ZFPM1: variants seen among roughly 807,000 people sequenced by gnomAD.
ZFPM1 encodes zinc finger protein ZFPM1.
Under a neutral mutation model 46.3 loss-of-function variants are expected in ZFPM1, and 28 were observed. That is an observed-to-expected ratio of 0.60 (90% CI 0.45 to 0.83). The LOEUF is 0.83. Ranked by LOEUF, ZFPM1 falls within the 40% of genes least tolerant of loss-of-function variation. ZFPM1 has a pLI of 0.00. For missense variants in ZFPM1, 1,878 were observed against 1,432.4 expected, an observed-to-expected ratio of 1.31 and a Z score of -5.02; for synonymous variants, 957 against 675.9, an observed-to-expected ratio of 1.42 and a Z score of -6.45.
chr16:88,508,996 C>A (rs1379566253), intron 3 of ZFPM1, among the ~76,000 whole-genome samples: 1 of 152,002 alleles, frequency 6.6e-6, no homozygotes, highest in Non-Finnish European at 1.5e-5. Context: ...CCCCGCCCCA[C>A]GCAGCTGACC....
chr16:88,478,761 C>T (rs909661031), intron 1 of ZFPM1, among the ~76,000 whole-genome samples: 9 of 152,190 alleles, frequency 5.9e-5, no homozygotes, highest in African/African-American at 1.4e-4. Context: ...CGAGGGTTCC[C>T]GTAGAGGGGG....
chr16:88,457,670 A>G (rs544540647), intron 1 of ZFPM1, among the ~76,000 whole-genome samples: 1 of 152,212 alleles, frequency 6.6e-6, no homozygotes, highest in African/African-American at 2.4e-5. Flanking sequence ...TTTTTTTACA[A>G]AATAGACATG....
chr16:88,479,537 C>T (rs1211984187), intron 1 of ZFPM1, among the ~76,000 whole-genome samples: 5 of 152,126 alleles, frequency 3.3e-5, no homozygotes, highest in African/African-American at 4.8e-5. Flanking sequence ...CGAGCGGGGC[C>T]GTCCCCGTCT....
intron 3 of ZFPM1, among the ~76,000 whole-genome samples, chr16:88,491,858 A>G (rs924906196): frequency 1.1e-4 from 16 of 152,254 alleles, no homozygotes; most frequent in African/African-American, 3.4e-4. Flanking sequence ...AGGCTGAGCT[A>G]TCACCCGCGG....
At chr16:88,516,761 A>G in intron 4 of ZFPM1, 1 of 394,078 alleles carries the variant, frequency 2.5e-6, no homozygotes, top group Non-Finnish European at 4.5e-6. Context: ...TCCTGCCCGG[A>G]TCGCCCCAGC....
At chr16:88,464,337 G>C (rs369882127) in intron 1 of ZFPM1, among the ~76,000 whole-genome samples, 4 of 152,332 alleles carry the variant, frequency 2.6e-5, no homozygotes, top group African/African-American at 9.6e-5. Context: ...CTCCAGGCCT[G>C]GGCCCTGGAT....
At position 88,494,968 on chromosome 16, in the gene ZFPM1, C is replaced by T. The variant is rs564513223; in HGVS notation, c.268+5815C>T. On this transcript the variant is annotated intron_variant, in intron 3 of 9. Coordinates refer to ENST00000319555, the MANE Select transcript of ZFPM1 (RefSeq NM_153813.3). ...GAAATGACCTTGTTTGCCGGAGGGGCGGCTGCTTAAGATTCTGCTATGCAA... is the reference window on the plus strand; with the variant it reads ...GAAATGACCTTGTTTGCCGGAGGGGTGGCTGCTTAAGATTCTGCTATGCAA... Among the ~76,000 whole-genome samples the T allele has an allele frequency of 2.0e-5, 3 of 152,340 alleles. No homozygotes were observed. In the East Asian group the frequency reaches 5.8e-4, roughly 29 times the overall value.
At chr16:88,532,358 C>G (rs1314681710) in intron 7 of ZFPM1, 123 bp downstream of exon 7, 2 of 1,075,750 alleles carry the variant, frequency 1.9e-6, no homozygotes, top group Non-Finnish European at 2.6e-6. Flanking sequence ...TGCGCGGTCT[C>G]CGGCACACCC....
At chr16:88,478,973 G>A (rs1357061179) in intron 1 of ZFPM1, among the ~76,000 whole-genome samples, 1 of 152,228 alleles carries the variant, frequency 6.6e-6, no homozygotes, top group East Asian at 1.9e-4. Flanking sequence ...AAGGAGGCTC[G>A]AGGCTCCGAG....
At position 88,534,777 on chromosome 16, in the gene ZFPM1, C is replaced by A. The variant is rs1391606624; in HGVS notation, c.2819C>A (p.Pro940His). 19 of 1,251,158 alleles carry A rather than the reference C, an allele frequency of 1.5e-5. No homozygotes were observed. The highest frequency in any genetic ancestry group is 1.9e-5 in the Non-Finnish European group (19 of 993,354). 77.5% of individuals were successfully genotyped at this position (1,251,158 alleles called of 1,614,324 possible). Residue 940 changes from proline (P) to histidine (H), a missense_variant, in exon 10 of 10, where the codon CCC becomes CAC. Physicochemically the swap from Pro to His is moderately conservative, Grantham distance 77. Transcript: ENST00000319555. ...CCGCCCCCGTCCCCGGCCGCCGCGCCCGAGGCCGTGCCGCCCCCGCCGGCG... is the reference window on the plus strand; with the variant it reads ...CCGCCCCCGTCCCCGGCCGCCGCGCACGAGGCCGTGCCGCCCCCGCCGGCG... ...PGPPPSPAAA[P>H]EAVPPPPAPP...
At chr16:88,519,314 G>A (rs57779355) in intron 4 of ZFPM1, among the ~76,000 whole-genome samples, 10,576 of 144,500 alleles carry the variant, frequency 0.073, 834 homozygotes, top group African/African-American at 0.2. Context: ...AGTGGGTGAA[G>A]GAGTGGATAG....
intron 1 of ZFPM1, among the ~76,000 whole-genome samples, chr16:88,460,058 C>A (rs1282487648): frequency 6.6e-6 from 1 of 151,910 alleles, no homozygotes; most frequent in Non-Finnish European, 1.5e-5. Flanking sequence ...ATCCCGACTC[C>A]CCAGGCTGTG....
At chr16:88,519,385 G>A (rs1357979916) in intron 4 of ZFPM1, among the ~76,000 whole-genome samples, 2 of 148,494 alleles carry the variant, frequency 1.3e-5, no homozygotes, top group Non-Finnish European at 3.0e-5. Context: ...AGATGGATAG[G>A]TGGATGGATA....
At chr16:88,454,277 C>T (rs1357490385) in intron 1 of ZFPM1, among the ~76,000 whole-genome samples, 2 of 152,184 alleles carry the variant, frequency 1.3e-5, no homozygotes, top group East Asian at 3.9e-4. Context: ...GGGGGTAGCG[C>T]GCAGCTGCCG....
At chr16:88,465,233 G>A (rs978850293) in intron 1 of ZFPM1, among the ~76,000 whole-genome samples, 2 of 152,226 alleles carry the variant, frequency 1.3e-5, no homozygotes, top group African/African-American at 4.8e-5. Flanking sequence ...CACAGGCAGG[G>A]CGCAGCGTCT....
At chr16:88,527,127 G>A (rs1169083216) in intron 5 of ZFPM1, among the ~76,000 whole-genome samples, 13 of 152,214 alleles carry the variant, frequency 8.5e-5, no homozygotes, top group Admixed American at 8.5e-4. Flanking sequence ...GGTCCCGACT[G>A]GCAGGCTGAG....
chr16:88,475,223 G>A (rs1172869567), intron 1 of ZFPM1, among the ~76,000 whole-genome samples: 11 of 152,266 alleles, frequency 7.2e-5, no homozygotes, highest in African/African-American at 9.6e-5. Context: ...GGGGTGTCGA[G>A]GGTGCCCTGG....
chr16:88,533,038 C>T (rs934911013), intron 9 of ZFPM1, 103 bp downstream of exon 9: 98 of 1,515,242 alleles, frequency 6.5e-5, no homozygotes, highest in Middle Eastern at 4.3e-4. Flanking sequence ...TTTCAGCCTT[C>T]GCTCTAAACC....
intron 3 of ZFPM1, among the ~76,000 whole-genome samples, chr16:88,501,137 C>CCTCCCGCAGGTGCTGGTG: frequency 7.8e-6 from 1 of 127,570 alleles, no homozygotes; most frequent in African/African-American, 3.1e-5. Flanking sequence ...ATGCGGGGGC[C>CCTCCCGCAGGTGCTGGTG]ATCCCGCAGG....
Sources: gnomAD v4.1 joint callset for allele counts (sites outside exome capture counted in the v4.1 genomes callset) on GRCh38, gnomAD v4.1.1 for gene constraint, MANE v1.5 for transcripts, NCBI Gene and HGNC (gene_info 2026-07-23, HGNC 2026-07-21) for gene names.